Variants in FSTL5 observed in about 807,000 individuals in gnomAD.
The protein encoded by FSTL5 is follistatin like 5, also known as follistatin-related protein 5.
In FSTL5, 62 loss-of-function variants were observed where a neutral mutation model predicts 89.1. The observed-to-expected ratio is 0.70, with a 90% CI of 0.57 to 0.86. The LOEUF (loss-of-function observed/expected upper bound fraction) is 0.86, where lower values mean the gene tolerates loss of function less well. FSTL5 is among the 40% of genes least tolerant of loss of function. The pLI is 0.00. For synonymous variants in FSTL5, 383 were observed against 346.2 expected (o/e 1.11, Z -1.18); for missense variants, 1,057 against 1,001.6 (o/e 1.06, Z -0.75).
At chr4:161,826,247 T>C (rs1237058886) in intron 4 of FSTL5, among the ~76,000 whole-genome samples, 1 of 152,180 alleles carries the variant, frequency 6.6e-6, no homozygotes, top group African/African-American at 2.4e-5. Context: ...GAGAGAGTAA[T>C]ATAATTTCAA....
intron 10 of FSTL5, among the ~76,000 whole-genome samples, chr4:161,514,970 T>A (rs1730767006): frequency 6.6e-6 from 1 of 152,064 alleles, no homozygotes; most frequent in African/African-American, 2.4e-5. Context: ...GCAAATTAAA[T>A]GTAACAGCCA....
chr4:162,137,247 T>G (rs2111470986), intron 1 of FSTL5, among the ~76,000 whole-genome samples: 1 of 152,212 alleles, frequency 6.6e-6, no homozygotes, highest in East Asian at 1.9e-4. Flanking sequence ...AATATGCACA[T>G]TTAATAGTTT....
intron 4 of FSTL5, among the ~76,000 whole-genome samples, chr4:161,822,045 C>T (rs1730510616): frequency 1.3e-5 from 2 of 152,106 alleles, no homozygotes; most frequent in Non-Finnish European, 2.9e-5. Context: ...GTTTACATTC[C>T]CACCAGCAAT....
intron 4 of FSTL5, among the ~76,000 whole-genome samples, chr4:161,885,878 T>C (rs776077927): frequency 3.3e-5 from 5 of 152,138 alleles, no homozygotes; most frequent in African/African-American, 4.8e-5. Flanking sequence ...GTTGGTTAGA[T>C]AGACAACTGG....
intron 2 of FSTL5, among the ~76,000 whole-genome samples, chr4:162,099,556 G>C (rs945922851): frequency 5.3e-5 from 8 of 152,056 alleles, no homozygotes; most frequent in African/African-American, 1.9e-4. Flanking sequence ...GTCCATGAAA[G>C]AAATAATTGA....
intron 3 of FSTL5, among the ~76,000 whole-genome samples, chr4:161,935,104 A>G (rs1734395886): frequency 6.6e-6 from 1 of 152,116 alleles, no homozygotes; most frequent in Non-Finnish European, 1.5e-5. Flanking sequence ...TCCTGTGCTC[A>G]CTGTAAACTT....
chr4:161,580,511 T>A (rs1242866118), intron 8 of FSTL5, among the ~76,000 whole-genome samples: 1 of 151,958 alleles, frequency 6.6e-6, no homozygotes, highest in East Asian at 1.9e-4. Context: ...AAAACTACAA[T>A]AAAAGTTCAA....
At chr4:161,961,037 T>C (rs1735160059) in intron 3 of FSTL5, among the ~76,000 whole-genome samples, 1 of 152,106 alleles carries the variant, frequency 6.6e-6, no homozygotes, top group South Asian at 2.1e-4. Flanking sequence ...TAATTAAATA[T>C]GCTTTAAATT....
chr4:161,927,722 G>A (rs1057383372), intron 3 of FSTL5, among the ~76,000 whole-genome samples: 3 of 151,584 alleles, frequency 2.0e-5, no homozygotes, highest in Admixed American at 1.3e-4. Context: ...TTATTTTCAT[G>A]AAGAAGAATT....
intron 7 of FSTL5, among the ~76,000 whole-genome samples, chr4:161,596,813 T>C (rs1734026781): frequency 6.6e-6 from 1 of 152,202 alleles, no homozygotes. Flanking sequence ...TAAAATGAGC[T>C]GCAGGTATTT....
At chr4:161,701,563 AG>A (rs1738393576) in intron 6 of FSTL5, among the ~76,000 whole-genome samples, 1 of 152,136 alleles carries the variant, frequency 6.6e-6, no homozygotes, top group Non-Finnish European at 1.5e-5. Flanking sequence ...TCTAGTATAA[AG>A]TCAGAACAAG....
At chr4:161,928,056 TC>T (rs1169156706) in intron 3 of FSTL5, among the ~76,000 whole-genome samples, 1 of 151,738 alleles carries the variant, frequency 6.6e-6, no homozygotes, top group East Asian at 1.9e-4. Flanking sequence ...CTCAAGTCAA[TC>T]CCTCCAAGTT....
chr4:161,762,982 G>A (rs1403529260), intron 5 of FSTL5, among the ~76,000 whole-genome samples: 1 of 152,126 alleles, frequency 6.6e-6, no homozygotes, highest in African/African-American at 2.4e-5. Flanking sequence ...AAATGTCAAA[G>A]TTGCACAAGG....
At chr4:161,799,004 A>G (rs1729718711) in intron 4 of FSTL5, among the ~76,000 whole-genome samples, 1 of 151,694 alleles carries the variant, frequency 6.6e-6, no homozygotes, top group Admixed American at 6.6e-5. Flanking sequence ...TAAACCCTAT[A>G]TTAGGTTTGA....
intron 8 of FSTL5, among the ~76,000 whole-genome samples, chr4:161,572,064 C>T (rs1442874797): frequency 6.6e-6 from 1 of 152,066 alleles, no homozygotes; most frequent in Non-Finnish European, 1.5e-5. Flanking sequence ...AATTCCAGCA[C>T]TTTGTGAGGC....
At chr4:161,653,334 A>C (rs757530970) in intron 7 of FSTL5, among the ~76,000 whole-genome samples, 1 of 152,184 alleles carries the variant, frequency 6.6e-6, no homozygotes, top group African/African-American at 2.4e-5. Flanking sequence ...ATCCTCTGTC[A>C]CAGGAAGAAT....
rs948975312 is a variant in FSTL5, at chr4:161,520,457, A to T, written c.1313-10033T>A. On this transcript the variant is annotated intron_variant, in intron 10 of 15. Transcript: ENST00000306100. ...GATAAAAATTGCTAGATATTTTGTG[A>T]GGGAAATTATAAATTATAACAAAAA... Among the ~76,000 whole-genome samples, 4 of 151,994 alleles carry T rather than the reference A, an allele frequency of 2.6e-5. No individual in the cohort carries two copies. The East Asian group carries it at 7.7e-4, about 29-fold the overall frequency.
intron 4 of FSTL5, among the ~76,000 whole-genome samples, chr4:161,798,637 C>T (rs2126827050): frequency 6.6e-6 from 1 of 151,590 alleles, no homozygotes; most frequent in East Asian, 1.9e-4. Flanking sequence ...GGTATTTGGT[C>T]CAACAAACTG....
intron 2 of FSTL5, among the ~76,000 whole-genome samples, chr4:162,039,409 A>T (rs956526598): frequency 6.6e-6 from 1 of 151,962 alleles, no homozygotes; most frequent in African/African-American, 2.4e-5. Context: ...CAGAATTAAC[A>T]TGACTATTTT....
Sources: allele counts gnomAD v4.1 joint callset (sites outside exome capture counted in the v4.1 genomes callset), GRCh38; gene constraint gnomAD v4.1.1; transcripts MANE v1.5; gene names NCBI Gene and HGNC (gene_info 2026-07-23, HGNC 2026-07-21).